Variants in JMJD1C observed in about 807,000 individuals in gnomAD.
JMJD1C encodes jumonji domain containing 1C.
Under a neutral mutation model 245.3 loss-of-function variants are expected in JMJD1C, and 31 were observed. The ratio of observed to expected loss-of-function variants is 0.13; its 90% CI spans 0.09 to 0.17. JMJD1C has a LOEUF of 0.17. JMJD1C is among the 10% of genes least tolerant of loss of function. JMJD1C has a pLI of 1.00. For synonymous variants in JMJD1C, 1,057 were observed against 1,017.4 expected (o/e 1.04, Z -0.74); for missense variants, 2,691 against 3,000.2 (o/e 0.90, Z 2.41).
At chr10:63,370,407 T>A (rs963871525) in intron 2 of JMJD1C, among the ~76,000 whole-genome samples, 1 of 152,222 alleles carries the variant, frequency 6.6e-6, no homozygotes, top group Non-Finnish European at 1.5e-5. Context: ...TCTTGCTTGA[T>A]CTTCACTACT....
chr10:63,324,342 C>G (rs972786891), intron 2 of JMJD1C, among the ~76,000 whole-genome samples: 1 of 152,056 alleles, frequency 6.6e-6, no homozygotes, highest in Admixed American at 6.6e-5. Flanking sequence ...AACAGCTAAA[C>G]CAAAAATCAA....
At chr10:63,190,335 C>G (rs1480098473) in intron 17 of JMJD1C, among the ~76,000 whole-genome samples, 2 of 152,070 alleles carry the variant, frequency 1.3e-5, no homozygotes, top group East Asian at 3.9e-4. Context: ...TCCCAAGTAG[C>G]TGGGATTACA....
intron 1 of JMJD1C, among the ~76,000 whole-genome samples, chr10:63,453,390 G>C (rs1227375359): frequency 6.6e-6 from 1 of 152,240 alleles, no homozygotes; most frequent in South Asian, 2.1e-4. Flanking sequence ...GAACAGATTT[G>C]CTTACCTATT....
chr10:63,298,874 AGGT>A (rs1347638227), intron 2 of JMJD1C, among the ~76,000 whole-genome samples: 3 of 152,024 alleles, frequency 2.0e-5, no homozygotes, highest in African/African-American at 4.8e-5. Flanking sequence ...CTGAGAATAC[AGGT>A]GCCCACCACC....
chr10:63,236,181 A>T (rs753301453), intron 3 of JMJD1C, among the ~76,000 whole-genome samples: 3 of 152,188 alleles, frequency 2.0e-5, no homozygotes, highest in Admixed American at 6.5e-5. Flanking sequence ...CTTTTTTATT[A>T]ATTAAAAATA....
At chr10:63,276,263 G>A (rs1042403464) in intron 2 of JMJD1C, among the ~76,000 whole-genome samples, 4 of 151,954 alleles carry the variant, frequency 2.6e-5, no homozygotes, top group South Asian at 2.1e-4. Context: ...TCAGGAGATC[G>A]AGACCATCCT....
chr10:63,455,061 G>A (rs971011512), intron 1 of JMJD1C, among the ~76,000 whole-genome samples: 16 of 152,060 alleles, frequency 1.1e-4, no homozygotes, highest in Non-Finnish European at 1.8e-4. Context: ...ACGTGCATCC[G>A]TTCACATCTT....
chr10:63,187,248 G>A (rs1358283701), intron 18 of JMJD1C, among the ~76,000 whole-genome samples: 1 of 152,008 alleles, frequency 6.6e-6, no homozygotes, highest in Non-Finnish European at 1.5e-5. Flanking sequence ...TTTAAAAATA[G>A]GTCCAGGTAT....
intron 3 of JMJD1C, among the ~76,000 whole-genome samples, chr10:63,228,277 G>C (rs1403848969): frequency 6.6e-6 from 1 of 152,048 alleles, no homozygotes; most frequent in East Asian, 1.9e-4. Context: ...TTCTATATTA[G>C]CATTCTATGA....
intron 2 of JMJD1C, among the ~76,000 whole-genome samples, chr10:63,370,944 C>T (rs1946262225): frequency 6.6e-6 from 1 of 151,980 alleles, no homozygotes; most frequent in Admixed American, 6.6e-5. Flanking sequence ...AAAATTCTGC[C>T]ATAATATAAA....
rs1940768680 is a variant in JMJD1C at position 63,320,884 on chromosome 10, A to G, written c.334-56120T>C. Among the ~76,000 whole-genome samples, 9 of 152,202 alleles carry G rather than the reference A, an allele frequency of 5.9e-5. No homozygotes were observed. In the South Asian group the frequency reaches 1.9e-3, roughly 32 times the overall value. ...AGATAGCCCCAGGATGGTGCTTGTT[A>G]CCAAGGGAACCAACCATGTGTTTAG... On this transcript the variant is annotated intron_variant, in intron 2 of 25. Transcript: ENST00000399262.
chr10:63,205,622 T>C (rs1233156010), intron 10 of JMJD1C, among the ~76,000 whole-genome samples: 1 of 152,178 alleles, frequency 6.6e-6, no homozygotes, highest in Non-Finnish European at 1.5e-5. Flanking sequence ...AGTCATACAC[T>C]ATTAGGCAAT....
chr10:63,464,914 T>C (rs1365377133), intron 1 of JMJD1C, among the ~76,000 whole-genome samples: 1 of 152,120 alleles, frequency 6.6e-6, no homozygotes, highest in African/African-American at 2.4e-5. Flanking sequence ...GCCAAGCATC[T>C]ATTAAGGAGA....
rs139735579 is a variant in JMJD1C, at chr10:63,325,287, A to G, written c.333+55031T>C. Among the ~76,000 whole-genome samples the G allele has an allele frequency of 2.1e-3, 327 of 152,340 alleles. 2 individuals are homozygous for G. The highest frequency in any genetic ancestry group is 7.6e-3 in the African/African-American group (317 of 41,582). On this transcript the variant is annotated intron_variant, in intron 2 of 25. Coordinates refer to ENST00000399262, the MANE Select transcript of JMJD1C (RefSeq NM_032776.3). ...CACAAATGACGTAAAACAGGGGAAT[A>G]ATAAGCCCAAGAATACTAGAATAGG...
chr10:63,168,651 A>C (rs532109084), intron 24 of JMJD1C, 85 bp from the exon 25 acceptor site: 3 of 1,229,590 alleles, frequency 2.4e-6, no homozygotes, highest in South Asian at 3.8e-5. Context: ...AATAAACACA[A>C]GAGACAATTC....
intron 3 of JMJD1C, among the ~76,000 whole-genome samples, chr10:63,235,282 G>C (rs1850595596): frequency 6.6e-6 from 1 of 152,060 alleles, no homozygotes; most frequent in Non-Finnish European, 1.5e-5. Flanking sequence ...GATCGCCTGA[G>C]GTCACGAGTT....
intron 1 of JMJD1C, among the ~76,000 whole-genome samples, chr10:63,436,157 A>C (rs1951048845): frequency 6.6e-6 from 1 of 152,244 alleles, no homozygotes; most frequent in Non-Finnish European, 1.5e-5. Flanking sequence ...AGGAGGTGTT[A>C]AAGAGTATTA....
intron 2 of JMJD1C, 62 bp from the exon 3 acceptor site, chr10:63,264,826 G>C: frequency 2.7e-6 from 2 of 749,006 alleles, no homozygotes; most frequent in South Asian, 1.5e-5. Flanking sequence ...AATTATGAAG[G>C]AACACACACC....
chr10:63,496,523 G>C (rs1954372160), intron 1 of JMJD1C, among the ~76,000 whole-genome samples: 1 of 152,110 alleles, frequency 6.6e-6, no homozygotes, highest in Admixed American at 6.5e-5. Context: ...AATATTTGCA[G>C]ACTGTGGGAG....
Sources: allele counts gnomAD v4.1 joint callset (sites outside exome capture counted in the v4.1 genomes callset), GRCh38; gene constraint gnomAD v4.1.1; transcripts MANE v1.5; gene names NCBI Gene and HGNC (gene_info 2026-07-23, HGNC 2026-07-21).